The following MRPL2 variants were observed in gnomAD, a reference collection of about 807,000 sequenced individuals.
MRPL2 encodes large ribosomal subunit protein uL2m.
A neutral mutation model predicts 34.6 loss-of-function variants in MRPL2; 27 were observed. That is an observed-to-expected ratio of 0.78 (90% CI 0.58 to 1.08). MRPL2 has a LOEUF of 1.08. Ranked by LOEUF, MRPL2 falls within the 50% of genes least tolerant of loss-of-function variation. MRPL2 has a pLI of 0.00. For synonymous variants in MRPL2, 155 were observed against 158.0 expected, an observed-to-expected ratio of 0.98 and a Z score of 0.14; for missense variants, 414 against 419.3, an observed-to-expected ratio of 0.99 and a Z score of 0.11.
chr6:43,055,140 G>A (rs1268519701), intron 6 of MRPL2, among the ~76,000 whole-genome samples: 2 of 149,918 alleles, frequency 1.3e-5, no homozygotes, highest in Non-Finnish European at 3.0e-5. Flanking sequence ...CAAGGTGGGC[G>A]GATTATGAGG....
chr6:43,054,242 G>A lies in MRPL2; in HGVS notation c.*32C>T, dbSNP rs762460672. Reference sequence around the variant, plus strand: ...AACCACAGTAACAGATTAAAACGGGGGGGGGGGGCATTTTATTAGAGTACA... The same window carrying A: ...AACCACAGTAACAGATTAAAACGGGAGGGGGGGGCATTTTATTAGAGTACA... On this transcript the variant is annotated 3_prime_UTR_variant, in exon 7 of 7. Transcript: ENST00000388752. The A allele has an allele frequency of 1.5e-6, 2 of 1,376,028 alleles. No homozygotes were observed. The highest frequency in any genetic ancestry group is 2.9e-5 in the African/African-American group (2 of 68,288). 85.2% of individuals were successfully genotyped at this position (1,376,028 alleles called of 1,614,324 possible). A position where few individuals can be genotyped will look rare whatever the true frequency, so the allele number is the denominator to read the frequency against.
chr6:43,056,806 C>G (rs1764892272), intron 2 of MRPL2, among the ~76,000 whole-genome samples: 1 of 151,892 alleles, frequency 6.6e-6, no homozygotes, highest in African/African-American at 2.4e-5. Flanking sequence ...TCCCGAGTAG[C>G]TGGGACTACA....
chr6:43,058,954 A>T, intron 1 of MRPL2: 2 of 596,356 alleles, frequency 3.4e-6, no homozygotes, highest in Non-Finnish European at 2.9e-6. Context: ...GGGAATAGTA[A>T]CTGCCTTATA....
At chr6:43,055,781 ATCCTCATGTTTGTTTTT>A (rs1764854064) in intron 5 of MRPL2, 99 bp downstream of exon 5, 9 of 1,254,630 alleles carry the variant, frequency 7.2e-6, no homozygotes, top group Non-Finnish European at 1.0e-5. Flanking sequence ...GCATATCTTC[ATCCTCATGTTTGTTTTT>A]TCCTTAATTT....
At position 43,059,050 on chromosome 6, in the gene MRPL2, C is replaced by G. The variant is rs887417975; in HGVS notation, c.96+236G>C. On this transcript the variant is annotated intron_variant, in intron 1 of 6. Coordinates refer to ENST00000388752, the MANE Select transcript of MRPL2 (RefSeq NM_015950.5). ...GGCACTCGAAACGTTATTACTGAAACCTGCACAACCGGTGATCTGCAAAGC... is the reference window on the plus strand; with the variant it reads ...GGCACTCGAAACGTTATTACTGAAAGCTGCACAACCGGTGATCTGCAAAGC... The G allele has an allele frequency of 2.2e-5, 29 of 1,313,504 alleles. No homozygotes were observed. In the African/African-American group the frequency reaches 3.1e-4, roughly 14 times the overall value. 81.4% of individuals were successfully genotyped at this position (1,313,504 alleles called of 1,614,324 possible).
In MRPL2 at chr6:43,056,091, G is replaced by A; in HGVS notation, c.510C>T (p.Gly170=). The change falls in exon 4 of 7, where the codon GGC becomes GGT. Residue 170 remains glycine (G), a synonymous_variant. Transcript: ENST00000388752. The part of the protein sequence containing the change: ...GDTILNSNHI[G]RMAVAAREGD... ...GTAGCCATCTCTCACCTGCCATTCG[G>A]CCTATGTGGTTAGAGTTCAAGATTG... is the stretch of plus-strand genomic sequence containing the variant. 6.2e-7 allele frequency: 1 copy of A among 1,614,178 alleles called. No homozygotes were observed. Among genetic ancestry groups the A allele is most frequent in the East Asian group, 2.2e-5 (1 of 44,892 alleles).
intron 2 of MRPL2, 192 bp downstream of exon 2, chr6:43,057,873 T>C: frequency 3.6e-6 from 2 of 561,990 alleles, no homozygotes; most frequent in Non-Finnish European, 3.1e-6. Flanking sequence ...TTTAGAAGCA[T>C]AGACCAATTA....
chr6:43,059,604 A>G, upstream of MRPL2: 1 of 1,404,430 alleles, frequency 7.1e-7, no homozygotes, highest in East Asian at 2.6e-5. Flanking sequence ...AGACCCGTCA[A>G]AACAATTGCC....
At chr6:43,056,038 C>G in intron 4 of MRPL2, 31 bp from the exon 5 acceptor site, 1 of 1,614,186 alleles carries the variant, frequency 6.2e-7, no homozygotes, top group South Asian at 1.1e-5. Context: ...AGCTCTAGAA[C>G]TTTTGCTGCC....
At chr6:43,054,529 A>T (rs558461391) in intron 6 of MRPL2, 43 bp from the exon 7 acceptor site, 1 of 1,568,148 alleles carries the variant, frequency 6.4e-7, no homozygotes, top group South Asian at 1.1e-5. Context: ...ATGGGGGGGA[A>T]AGAGCTTGAC....
chr6:43,054,534 C>A, intron 6 of MRPL2, 48 bp from the exon 7 acceptor site: 1 of 1,551,870 alleles, frequency 6.4e-7, no homozygotes, highest in Non-Finnish European at 8.9e-7. Flanking sequence ...GGGGAAAGAG[C>A]TTGACAATGT....
Position 43,054,328 on chromosome 6 carries a change from T to C in MRPL2, c.864A>G (p.Pro288=), listed in dbSNP as rs1016600280. The change falls in exon 7 of 7, where the codon CCA becomes CCG. Residue 288 remains proline, a synonymous_variant. Coordinates refer to ENST00000388752, the MANE Select transcript of MRPL2 (RefSeq NM_015950.5). ...TCACGTAACTCTTCATGGGGGGTAG[T>C]GGCCGAATCTTTCGGCCAGCCCAGC... ...KGGWAGRKIR[P]LPPMKSYVKL... is the part of the protein sequence containing the mutation. 2.5e-6 allele frequency: 4 copies of C among 1,612,724 alleles called. No individual in the cohort carries two copies. In the East Asian group the frequency reaches 6.7e-5, roughly 27 times the overall value.
rs759215603 is a variant in MRPL2 at position 43,058,250 on chromosome 6, ATC to A, written c.97-19_97-18del. On this transcript the variant is annotated intron_variant, in intron 1 of 6. Transcript: ENST00000388752. The stretch of plus-strand genomic sequence containing the variant: ...GTTCATCATCTAGGGATAAAAAGAC[ATC>A]TCTTTCATTTGAAAGCTAATTGAAG... 16 of 1,611,752 alleles carry A rather than the reference ATC, an allele frequency of 9.9e-6. No homozygotes were observed. Among genetic ancestry groups the A allele is most frequent in the Non-Finnish European group, 1.4e-5 (16 of 1,178,208 alleles).
chr6:43,059,295 G>A lies in MRPL2; in HGVS notation c.87C>T (p.Pro29=), dbSNP rs1765001941. 1.3e-6 allele frequency: 2 copies of A among 1,551,698 alleles called. No individual in the cohort carries two copies. The highest frequency in any genetic ancestry group is 1.7e-6 in the Non-Finnish European group (2 of 1,147,166). The change falls in exon 1 of 7, where the codon CCC becomes CCT. Residue 29 remains proline (P), a synonymous_variant. Coordinates refer to ENST00000388752, the MANE Select transcript of MRPL2 (RefSeq NM_015950.5). ...GGGTAAGATGGATTACCTGGGCGGC[G>A]GGGAACAGACTCGGGGCAGGGGCGG... is the stretch of plus-strand genomic sequence containing the variant. The part of the protein sequence containing the change: ...TVAAPAPSLF[P]AAQMMNNGLL...
chr6:43,057,351 T>G (rs989239617), intron 2 of MRPL2, among the ~76,000 whole-genome samples: 22 of 151,888 alleles, frequency 1.4e-4, no homozygotes, highest in Admixed American at 1.4e-3. Flanking sequence ...TGGTTAATTT[T>G]TTTTTTGAGA....
chr6:43,058,106 G>T lies in MRPL2; in HGVS notation c.224C>A (p.Thr75Lys). The T allele has an allele frequency of 1.2e-6, 2 of 1,614,156 alleles. No homozygotes were observed. Among genetic ancestry groups the T allele is most frequent in the Non-Finnish European group, 1.7e-6 (2 of 1,180,042 alleles). Residue 75 changes from threonine to lysine, a missense_variant, in exon 2 of 7, where the codon ACA becomes AAA. Transcript: ENST00000388752. ...SWKSRTKYTI[T>K]PVKMRKSGGR... ...CCCAGACTTCCTCATCTTCACTGGT[G>T]TAATGGTGTACTTGGTACGACTCTT...
intron 1 of MRPL2, 61 bp from the exon 2 acceptor site, chr6:43,058,294 C>G: frequency 6.4e-7 from 1 of 1,551,698 alleles, no homozygotes; most frequent in Non-Finnish European, 8.9e-7. Context: ...CATCAGAGAA[C>G]CAAGGCAGAG....
upstream of MRPL2, chr6:43,059,491 A>G: frequency 6.9e-7 from 1 of 1,448,922 alleles, no homozygotes; most frequent in Non-Finnish European, 9.1e-7. Flanking sequence ...AGAAAACTGG[A>G]GCCCAAGCTG....
chr6:43,055,489 G>A, intron 6 of MRPL2, 56 bp downstream of exon 6: 1 of 1,563,676 alleles, frequency 6.4e-7, no homozygotes. Flanking sequence ...AGACAGGAAA[G>A]TTACATTCCA....
Sources: gnomAD v4.1 joint callset for allele counts (sites outside exome capture counted in the v4.1 genomes callset) on GRCh38, gnomAD v4.1.1 for gene constraint, MANE v1.5 for transcripts, NCBI Gene and HGNC (gene_info 2026-07-23, HGNC 2026-07-21) for gene names.